The following GRB2 variants were observed in gnomAD, a reference collection of about 807,000 sequenced individuals.
The protein encoded by GRB2 is growth factor receptor-bound protein 2.
A neutral mutation model predicts 27.4 loss-of-function variants in GRB2; 2 were observed. The observed-to-expected ratio is 0.07, with a 90% CI of 0.03 to 0.23. The LOEUF (loss-of-function observed/expected upper bound fraction) is 0.23, where lower values mean the gene tolerates loss of function less well. Among genes scored for constraint, GRB2 ranks in the 10% least tolerant of loss-of-function variants. The pLI is 1.00. For synonymous variants in GRB2, 94 were observed against 99.6 expected (o/e 0.94, Z 0.33); for missense variants, 102 against 282.4 (o/e 0.36, Z 4.58).
At chr17:75,350,210 T>C (rs2078681300) in intron 2 of GRB2, among the ~76,000 whole-genome samples, 1 of 123,298 alleles carries the variant, frequency 8.1e-6, no homozygotes, top group African/African-American at 2.9e-5. Flanking sequence ...GCCCAGGCAA[T>C]ATAGCAAGAT....
chr17:75,342,049 G>A (rs1206191012), intron 2 of GRB2, among the ~76,000 whole-genome samples: 6 of 152,022 alleles, frequency 3.9e-5, no homozygotes, highest in Non-Finnish European at 8.8e-5. Context: ...CCTCCCCACC[G>A]CTTGTCTGTA....
intron 2 of GRB2, among the ~76,000 whole-genome samples, chr17:75,335,593 G>A (rs1251385649): frequency 6.6e-6 from 1 of 152,160 alleles, no homozygotes; most frequent in African/African-American, 2.4e-5. Flanking sequence ...TTGCAATGCT[G>A]GTGCTTATCT....
rs530347562 is a variant in GRB2 at position 75,340,631 on chromosome 17, C to T, written c.79-7834G>A. 4.9e-4 allele frequency among the ~76,000 whole-genome samples: 75 copies of T among 152,290 alleles called. 1 individual carries two copies. Among genetic ancestry groups the T allele is most frequent in the African/African-American group, 1.7e-3 (72 of 41,568 alleles). ...ACTCAAAGTCAGTTCTCTTCAGGTG[C>T]CTGATTACGTATTTTATTAGAAGCT... On this transcript the variant is annotated intron_variant, in intron 2 of 5. Transcript: ENST00000316804.
chr17:75,355,312 G>T (rs1014662478), intron 2 of GRB2, among the ~76,000 whole-genome samples: 3 of 152,044 alleles, frequency 2.0e-5, no homozygotes, highest in South Asian at 4.1e-4. Flanking sequence ...CTGGGAGTGG[G>T]GTGAAAGCAG....
chr17:75,385,685 G>A lies in GRB2; in HGVS notation c.78+7866C>T, dbSNP rs148206000. Among the ~76,000 whole-genome samples the A allele has an allele frequency of 4.4e-4, 67 of 152,360 alleles. No individual in the cohort carries two copies. In the Middle Eastern group the frequency reaches 0.01, roughly 23 times the overall value. ...CAGTAAAATGGGGATAACAGCATCT[G>A]CCTTTACAAGATTTGCGTGAGATTA... On this transcript the variant is annotated intron_variant, in intron 2 of 5. Transcript: ENST00000316804.
chr17:75,379,189 T>C (rs899463220), intron 2 of GRB2, among the ~76,000 whole-genome samples: 9 of 152,336 alleles, frequency 5.9e-5, no homozygotes, highest in East Asian at 5.8e-4. Context: ...TGAAAGGTTA[T>C]AGAAAACCTG....
At chr17:75,396,456 C>G (rs538130223) in intron 1 of GRB2, among the ~76,000 whole-genome samples, 2 of 152,122 alleles carry the variant, frequency 1.3e-5, no homozygotes, top group Non-Finnish European at 2.9e-5. Flanking sequence ...TGAGACCAGT[C>G]CAGTATAGCT....
intron 2 of GRB2, among the ~76,000 whole-genome samples, chr17:75,358,899 T>TACA (rs1182151184): frequency 2.6e-4 from 20 of 77,530 alleles, no homozygotes; most frequent in Non-Finnish European, 4.8e-4. Flanking sequence ...AAAAAAAAAA[T>TACA]TATATATATA....
chr17:75,373,033 G>C (rs2078866226), intron 2 of GRB2: 1 of 152,190 alleles, frequency 6.6e-6, no homozygotes, highest in African/African-American at 2.4e-5. Context: ...TTGCGGTCAG[G>C]AGTTTGAGAC....
At chr17:75,380,220 T>C (rs1264721183) in intron 2 of GRB2, among the ~76,000 whole-genome samples, 1 of 152,176 alleles carries the variant, frequency 6.6e-6, no homozygotes, top group East Asian at 1.9e-4. Flanking sequence ...AGTGATTTTT[T>C]CTTTCCTTAT....
chr17:75,369,493 G>T (rs1052649948), intron 2 of GRB2, among the ~76,000 whole-genome samples: 1 of 152,074 alleles, frequency 6.6e-6, no homozygotes, highest in African/African-American at 2.4e-5. Flanking sequence ...TCTGAGCTCA[G>T]CTGTTAGATC....
chr17:75,349,328 A>C (rs1335162537), intron 2 of GRB2, among the ~76,000 whole-genome samples: 1 of 152,108 alleles, frequency 6.6e-6, no homozygotes, highest in Admixed American at 6.5e-5. Context: ...ACAGGTAACC[A>C]TGCTGGCCAT....
intron 2 of GRB2, among the ~76,000 whole-genome samples, chr17:75,363,381 T>C (rs1434356360): frequency 6.6e-6 from 1 of 152,202 alleles, no homozygotes; most frequent in African/African-American, 2.4e-5. Context: ...ACTTTCTCCA[T>C]GGAGTATCTT....
intron 1 of GRB2, among the ~76,000 whole-genome samples, chr17:75,399,067 A>G (rs2079046855): frequency 6.6e-6 from 1 of 151,634 alleles, no homozygotes; most frequent in Admixed American, 6.6e-5. Flanking sequence ...TTATTATTTG[A>G]GACAGAGTCT....
At chr17:75,359,087 C>T (rs1472493120) in intron 2 of GRB2, among the ~76,000 whole-genome samples, 2 of 136,126 alleles carry the variant, frequency 1.5e-5, no homozygotes, top group South Asian at 2.4e-4. Flanking sequence ...TGGTGGCACA[C>T]GCCTGTAATC....
Position 75,320,855 on chromosome 17 carries a change from C to T in GRB2, c.469-302G>A, listed in dbSNP as rs1199460357. Among the ~76,000 whole-genome samples, 1 of 152,166 alleles carries T rather than the reference C, an allele frequency of 6.6e-6. No individual in the cohort carries two copies. The highest frequency in any genetic ancestry group is 1.5e-5 in the Non-Finnish European group (1 of 68,044). On this transcript the variant is annotated intron_variant, in intron 5 of 5. Coordinates refer to ENST00000316804, the MANE Select transcript of GRB2 (RefSeq NM_002086.5). This position sits in a 1 kb window ranked among gnomAD's most constrained non-coding sequence, Gnocchi z 4.3. ...GCAGTGCTTGGAGGAGAAAGTTCTT[C>T]AGAAACAGCCATCTGTGTTTAGGCC...
intron 2 of GRB2, among the ~76,000 whole-genome samples, chr17:75,374,408 A>C (rs2078877974): frequency 6.7e-6 from 1 of 149,998 alleles, no homozygotes; most frequent in Non-Finnish European, 1.5e-5. Flanking sequence ...CATATCAAAA[A>C]AAAAAAAAAA....
chr17:75,335,456 T>G (rs1397734219), intron 2 of GRB2, among the ~76,000 whole-genome samples: 1 of 152,192 alleles, frequency 6.6e-6, no homozygotes, highest in Non-Finnish European at 1.5e-5. Context: ...AAGTGAGTGC[T>G]GTCTGTGTAC....
intron 4 of GRB2, among the ~76,000 whole-genome samples, chr17:75,324,133 G>A (rs1253974154): frequency 1.3e-5 from 2 of 149,366 alleles, no homozygotes; most frequent in Admixed American, 6.6e-5. Context: ...TAAAATCTAC[G>A]TTTCAAAAAA....
Sources: gnomAD v4.1 joint callset for allele counts (sites outside exome capture counted in the v4.1 genomes callset) on GRCh38, gnomAD v4.1.1 for gene constraint, Gnocchi (gnomAD v3.1) non-coding constraint, MANE v1.5 for transcripts, NCBI Gene and HGNC (gene_info 2026-07-23, HGNC 2026-07-21) for gene names.